Variants in PFDN4 observed in about 807,000 individuals in gnomAD.
PFDN4 encodes the protein prefoldin 4.
PFDN4 carries 6 observed loss-of-function variants against 17.6 expected under a neutral mutation model. That is an observed-to-expected ratio of 0.34 (90% CI 0.19 to 0.67). The LOEUF (loss-of-function observed/expected upper bound fraction) is 0.67, where lower values mean the gene tolerates loss of function less well. Among genes scored for constraint, PFDN4 ranks in the 30% least tolerant of loss-of-function variants. The pLI is 0.68. For missense variants in PFDN4, 119 were observed against 158.4 expected (o/e 0.75, Z 1.33); for synonymous variants, 48 against 51.1 (o/e 0.94, Z 0.26).
chr20:54,210,232 TG>T (rs1277498803), intron 1 of PFDN4, among the ~76,000 whole-genome samples: 3 of 152,038 alleles, frequency 2.0e-5, no homozygotes, highest in African/African-American at 4.8e-5. Context: ...GAGGGGTAGG[TG>T]GTGGCCAAAA....
chr20:54,218,316 C>A (rs2092765388), intron 3 of PFDN4, among the ~76,000 whole-genome samples: 1 of 150,750 alleles, frequency 6.6e-6, no homozygotes, highest in Non-Finnish European at 1.5e-5. Flanking sequence ...AAGAATTGTC[C>A]TTTGGAATTG....
At position 54,208,188 on chromosome 20, in the gene PFDN4, G is replaced by A. The variant is rs1041486872; in HGVS notation, c.24+64G>A. The A allele has an allele frequency of 1.3e-5, 18 of 1,436,108 alleles. No homozygotes were observed. In the African/African-American group the frequency reaches 2.7e-4, roughly 21 times the overall value. The allele number at this position is 1,436,108 out of a possible 1,614,324, so 89.0% of individuals were successfully genotyped here. A position where few individuals can be genotyped will look rare whatever the true frequency, so the allele number is the denominator to read the frequency against. On this transcript the variant is annotated intron_variant, in intron 1 of 3. Transcript: ENST00000371419. ...GCCGGATCTCGGCCGCTGGGGCCCG[G>A]GCGCGGGATGCTGGGGGTGCGCAGC... is the stretch of plus-strand genomic sequence containing the variant.
rs1417849477 is a variant in PFDN4, at chr20:54,219,756, G to A, written c.*606G>A. 2.5e-6 allele frequency: 1 copy of A among 398,210 alleles called. No homozygotes were observed. The highest frequency in any genetic ancestry group is 1.3e-4 in the South Asian group (1 of 7,862). The allele number at this position is 398,210 out of a possible 1,614,324, so 24.7% of individuals were successfully genotyped here. ...GCATGTGGAGCTTTATACAAACAGG[G>A]CAGAACCACAGAAGAACGTTTTAGA... is the stretch of plus-strand genomic sequence containing the variant. On this transcript the variant is annotated 3_prime_UTR_variant, in exon 4 of 4. Coordinates refer to ENST00000371419, the MANE Select transcript of PFDN4 (RefSeq NM_002623.4).
intron 2 of PFDN4, among the ~76,000 whole-genome samples, chr20:54,214,894 T>C (rs2092760599): frequency 6.6e-6 from 1 of 152,230 alleles, no homozygotes; most frequent in African/African-American, 2.4e-5. Context: ...ATTGAAGTTA[T>C]TATCACTTAT....
intron 1 of PFDN4, 51 bp downstream of exon 1, chr20:54,208,175 C>T (rs1309580322): frequency 6.8e-7 from 1 of 1,480,072 alleles, no homozygotes; most frequent in South Asian, 1.3e-5. Context: ...CGGATCTCGG[C>T]CGCTGGGGCC....
At chr20:54,208,246 C>T in intron 1 of PFDN4, 122 bp downstream of exon 1, 1 of 917,258 alleles carries the variant, frequency 1.1e-6, no homozygotes, top group Non-Finnish European at 1.5e-6. Context: ...GAGGCCGAGG[C>T]CGAGGCCCTG....
chr20:54,216,515 T>G (rs1474213077), intron 3 of PFDN4, among the ~76,000 whole-genome samples: 2 of 152,242 alleles, frequency 1.3e-5, no homozygotes, highest in Non-Finnish European at 2.9e-5. Flanking sequence ...TTTGTGATTT[T>G]TGTTCTTTTT....
chr20:54,213,400 T>C (rs1380471412), intron 1 of PFDN4, among the ~76,000 whole-genome samples: 1 of 152,190 alleles, frequency 6.6e-6, no homozygotes, highest in Non-Finnish European at 1.5e-5. Context: ...CCTAAGCCTG[T>C]GTACACACTC....
In PFDN4 at chr20:54,208,116, A is replaced by G; in HGVS notation, c.16A>G (p.Lys6Glu). Residue 6 changes from lysine (K) to glutamate (E), a missense_variant, in exon 1 of 4, where the codon AAG becomes GAG. Around this residue, in one of 3 missense-constraint regions of PFDN4, gnomAD observed 29 missense variants for 18.9 expected, o/e 1.54. Coordinates refer to ENST00000371419, the MANE Select transcript of PFDN4 (RefSeq NM_002623.4). ...CAGTCCCAAGATGGCGGCCACCATG[A>G]AGAAGGCGGTGAGTGGGGAGCTCGG... is the stretch of plus-strand genomic sequence containing the variant. MAATM[K>E]KAAAEDVNVT... is the part of the protein sequence containing the mutation. 1 of 1,557,532 alleles carries G rather than the reference A, an allele frequency of 6.4e-7. No homozygotes were observed. The highest frequency in any genetic ancestry group is 8.7e-7 in the Non-Finnish European group (1 of 1,150,830).
chr20:54,219,684 T>C lies in PFDN4; in HGVS notation c.*534T>C, dbSNP rs764955280. ...TTAACATTTTTTACATATCTATCAA[T>C]ATCAGAGATTTGGGTAAAAGAATGG... On this transcript the variant is annotated 3_prime_UTR_variant, in exon 4 of 4. Coordinates refer to ENST00000371419, the MANE Select transcript of PFDN4 (RefSeq NM_002623.4). 1.5e-5 allele frequency: 6 copies of C among 398,086 alleles called. No homozygotes were observed. Among genetic ancestry groups the C allele is most frequent in the Non-Finnish European group, 2.2e-5 (5 of 225,898 alleles). The allele number at this position is 398,086 out of a possible 1,614,324, so 24.7% of individuals were successfully genotyped here.
chr20:54,216,476 A>G (rs560028233), intron 3 of PFDN4, among the ~76,000 whole-genome samples: 40 of 152,170 alleles, frequency 2.6e-4, no homozygotes, highest in African/African-American at 9.4e-4. Context: ...TGTCTCCCTT[A>G]TGTTTAAATC....
intron 3 of PFDN4, among the ~76,000 whole-genome samples, chr20:54,217,100 A>G (rs2092763554): frequency 6.6e-6 from 1 of 152,150 alleles, no homozygotes; most frequent in African/African-American, 2.4e-5. Context: ...TATAGTCTAG[A>G]TGGAAAGAAA....
chr20:54,208,204 G>A lies in PFDN4; in HGVS notation c.24+80G>A, dbSNP rs2092750623. On this transcript the variant is annotated intron_variant, in intron 1 of 3. Transcript: ENST00000371419. ...TGGGGCCCGGGCGCGGGATGCTGGG[G>A]GTGCGCAGCTCCGAAGCCCGGCGTG... 5 of 1,319,696 alleles carry A rather than the reference G, an allele frequency of 3.8e-6. No homozygotes were observed. The South Asian group carries it at 7.3e-5, about 19-fold the overall frequency. 81.7% of individuals were successfully genotyped at this position (1,319,696 alleles called of 1,614,324 possible). A position where few individuals can be genotyped will look rare whatever the true frequency, so the allele number is the denominator to read the frequency against.
Position 54,208,136 on chromosome 20 carries a change from G to C in PFDN4, c.24+12G>C. On this transcript the variant is annotated intron_variant, in intron 1 of 3. Transcript: ENST00000371419. ...CCATGAAGAAGGCGGTGAGTGGGGA[G>C]CTCGGGGCTCTGGATGCTCGGGCGG... The C allele has an allele frequency of 6.5e-7, 1 of 1,549,398 alleles. No individual in the cohort carries two copies. The highest frequency in any genetic ancestry group is 8.7e-7 in the Non-Finnish European group (1 of 1,146,098).
chr20:54,218,226 C>A, intron 3 of PFDN4, among the ~76,000 whole-genome samples: 1 of 136,132 alleles, frequency 7.3e-6, no homozygotes, highest in Admixed American at 7.6e-5. Flanking sequence ...TTTATTTAAT[C>A]TATTAATGAG....
intron 3 of PFDN4, among the ~76,000 whole-genome samples, chr20:54,217,203 C>T (rs907724249): frequency 1.3e-5 from 2 of 151,324 alleles, no homozygotes; most frequent in Non-Finnish European, 2.9e-5. Context: ...CTAGTCTGGA[C>T]ATCAAGGGTC....
chr20:54,215,525 A>G, intron 3 of PFDN4, 85 bp downstream of exon 3: 1 of 837,616 alleles, frequency 1.2e-6, no homozygotes, highest in East Asian at 2.8e-5. Context: ...AGTAGATGCT[A>G]GCTATAGCTA....
chr20:54,213,199 C>T (rs2092758276), intron 1 of PFDN4, among the ~76,000 whole-genome samples: 1 of 152,222 alleles, frequency 6.6e-6, no homozygotes, highest in Admixed American at 6.5e-5. Flanking sequence ...TCAGTATGAA[C>T]TATTTTTATA....
intron 1 of PFDN4, 117 bp from the exon 2 acceptor site, chr20:54,214,233 CT>C (rs2092759656): frequency 1.6e-6 from 1 of 639,956 alleles, no homozygotes; most frequent in African/African-American, 1.9e-5. Context: ...TTCTGTACTT[CT>C]TGTGATTCTT....
Sources: gnomAD v4.1 joint callset for allele counts (sites outside exome capture counted in the v4.1 genomes callset) on GRCh38, gnomAD v4.1.1 for gene constraint, gnomAD v4.1.1 regional missense constraint, MANE v1.5 for transcripts, NCBI Gene and HGNC (gene_info 2026-07-23, HGNC 2026-07-21) for gene names.